Variants in RHBDD1 observed in about 807,000 individuals in gnomAD.
RHBDD1 encodes rhomboid domain containing 1.
Under a neutral mutation model 36.3 loss-of-function variants are expected in RHBDD1, and 38 were observed. The ratio of observed to expected loss-of-function variants is 1.05; its 90% confidence interval spans 0.81 to 1.37. The LOEUF is 1.37. RHBDD1 is among the 40% of genes most tolerant of loss of function. RHBDD1 has a pLI of 0.00. For missense variants in RHBDD1, 393 were observed against 377.6 expected (o/e 1.04, Z -0.34); for synonymous variants, 151 against 136.5 (o/e 1.11, Z -0.74).
intron 6 of RHBDD1, chr2:226,907,158 C>T (rs1948123854): frequency 2.0e-6 from 1 of 509,122 alleles, no homozygotes; most frequent in East Asian, 3.6e-5. Context: ...CGCAGAAAAC[C>T]ACGATTTCCT....
chr2:226,942,037 A>G (rs1220068438), intron 8 of RHBDD1, among the ~76,000 whole-genome samples: 2 of 152,178 alleles, frequency 1.3e-5, no homozygotes, highest in Non-Finnish European at 2.9e-5. Context: ...AGATGTCTCT[A>G]TTCCTAGTTG....
intron 8 of RHBDD1, among the ~76,000 whole-genome samples, chr2:226,921,603 A>G (rs1031190738): frequency 8.5e-5 from 13 of 152,188 alleles, no homozygotes; most frequent in African/African-American, 3.1e-4. Context: ...CTGGTCATTT[A>G]GGAACATATT....
At chr2:226,898,919 T>A (rs1947355399) in intron 5 of RHBDD1, among the ~76,000 whole-genome samples, 1 of 152,216 alleles carries the variant, frequency 6.6e-6, no homozygotes, top group Admixed American at 6.5e-5. Context: ...CAACACTGTG[T>A]CTCCAAGTTG....
chr2:226,950,519 C>T (rs1475355195), intron 8 of RHBDD1, among the ~76,000 whole-genome samples: 1 of 152,224 alleles, frequency 6.6e-6, no homozygotes, highest in African/African-American at 2.4e-5. Flanking sequence ...GCAGATATCT[C>T]TTCAACCTAC....
chr2:226,977,322 T>C (rs1954786289), intron 8 of RHBDD1, among the ~76,000 whole-genome samples: 1 of 152,082 alleles, frequency 6.6e-6, no homozygotes, highest in Admixed American at 6.5e-5. Context: ...AAATATGAAG[T>C]GTATTTGCTT....
At chr2:226,879,647 A>G (rs981952072) in intron 5 of RHBDD1, among the ~76,000 whole-genome samples, 2 of 152,238 alleles carry the variant, frequency 1.3e-5, no homozygotes, top group African/African-American at 4.8e-5. Flanking sequence ...AAAGTATAAC[A>G]TTCCTTTCTA....
intron 6 of RHBDD1, 44 bp downstream of exon 6, chr2:226,906,925 C>T (rs945389275): frequency 2.1e-5 from 33 of 1,598,658 alleles, no homozygotes; most frequent in Non-Finnish European, 2.7e-5. Context: ...CTTGGAAGTT[C>T]ATGTTAATTT....
At chr2:226,992,907 C>A (rs1214919809) in intron 8 of RHBDD1, among the ~76,000 whole-genome samples, 1 of 152,108 alleles carries the variant, frequency 6.6e-6, no homozygotes. Flanking sequence ...TCCTCTTCTG[C>A]AAAACTGAGA....
chr2:226,828,925 T>C, the RHBDD1 span, among the ~76,000 whole-genome samples: 5 of 152,194 alleles, frequency 3.3e-5, no homozygotes, highest in African/African-American at 1.2e-4. Context: ...ATTTTTTCTT[T>C]TGTGGATTGT....
chr2:226,848,484 A>G (rs1942457804), intron 3 of RHBDD1, among the ~76,000 whole-genome samples: 4 of 152,194 alleles, frequency 2.6e-5, no homozygotes, highest in Admixed American at 2.6e-4. Context: ...ACACATAAAG[A>G]TACTGGAAGT....
intron 3 of RHBDD1, among the ~76,000 whole-genome samples, chr2:226,848,209 A>G (rs1323346049): frequency 3.9e-5 from 6 of 152,188 alleles, no homozygotes; most frequent in African/African-American, 1.2e-4. Flanking sequence ...ATAGTATTCT[A>G]TGCTATGTAG....
At chr2:226,829,193 A>G in the RHBDD1 span, among the ~76,000 whole-genome samples, 6 of 152,292 alleles carry the variant, frequency 3.9e-5, no homozygotes, top group South Asian at 2.1e-4. Flanking sequence ...AACTGACCAC[A>G]TAGGGGGTTA....
chr2:226,826,771 C>A, the RHBDD1 span, among the ~76,000 whole-genome samples: 741 of 152,202 alleles, frequency 4.9e-3, 7 homozygotes, highest in Middle Eastern at 0.01. Context: ...CTGCCTGCCT[C>A]GGCCTCCCAC....
intron 4 of RHBDD1, among the ~76,000 whole-genome samples, chr2:226,866,685 G>A (rs180826952): frequency 6.6e-6 from 1 of 152,282 alleles, no homozygotes; most frequent in Admixed American, 6.5e-5. Flanking sequence ...AGGTAGTCCT[G>A]AAACAAGGAA....
At chr2:226,894,433 G>A (rs1189747868) in intron 5 of RHBDD1, among the ~76,000 whole-genome samples, 4 of 151,918 alleles carry the variant, frequency 2.6e-5, no homozygotes, top group Non-Finnish European at 5.9e-5. Context: ...ACCACACATG[G>A]CAAATTTTTG....
chr2:226,828,671 G>T, the RHBDD1 span, among the ~76,000 whole-genome samples: 30 of 152,144 alleles, frequency 2.0e-4, no homozygotes, highest in Non-Finnish European at 4.1e-4. Flanking sequence ...ATGATGCTGA[G>T]AATATTTTCA....
At chr2:226,801,901 C>G in the RHBDD1 span, among the ~76,000 whole-genome samples, 1 of 152,124 alleles carries the variant, frequency 6.6e-6, no homozygotes, top group African/African-American at 2.4e-5. Context: ...GGGCTTTTCA[C>G]AGGTTTGATG....
At chr2:226,865,220 C>A in intron 4 of RHBDD1, 94 bp downstream of exon 4, 1 of 994,294 alleles carries the variant, frequency 1.0e-6, no homozygotes, top group South Asian at 1.6e-5. Context: ...CTATCAAATT[C>A]TGAGTGGTTA....
rs368897508 is a variant in RHBDD1, at chr2:226,904,417, G to GC, written c.567-2376_567-2375insC. The stretch of plus-strand genomic sequence containing the variant: ...CCACTGTGGCACATCCTGCAAGCGG[G>GC]GGGGGAGGGGGGTCAGGGAACTCCT... On this transcript the variant is annotated intron_variant, in intron 5 of 8. Coordinates refer to ENST00000392062, the MANE Select transcript of RHBDD1 (RefSeq NM_001167608.3). Among the ~76,000 whole-genome samples, 5 of 148,346 alleles carry GC rather than the reference G, an allele frequency of 3.4e-5. 1 individual carries two copies. Among genetic ancestry groups the GC allele is most frequent in the East Asian group, 2.0e-4 (1 of 4,994 alleles).
Sources: allele counts gnomAD v4.1 joint callset (sites outside exome capture counted in the v4.1 genomes callset), GRCh38; gene constraint gnomAD v4.1.1; transcripts MANE v1.5; gene names NCBI Gene and HGNC (gene_info 2026-07-23, HGNC 2026-07-21).